The following KCNK1 variants were observed in gnomAD, a reference collection of about 807,000 sequenced individuals.
KCNK1 encodes the protein potassium channel subfamily K member 1.
In KCNK1, 10 loss-of-function variants were observed where a neutral mutation model predicts 22.2. The observed-to-expected ratio is 0.45, with a 90% CI of 0.28 to 0.76. The LOEUF is 0.76. Ranked by LOEUF, KCNK1 falls within the 30% of genes least tolerant of loss-of-function variation. The pLI, the probability that KCNK1 is intolerant of heterozygous loss-of-function variation, is 0.14. For missense variants in KCNK1, 378 were observed against 421.0 expected (o/e 0.90, Z 0.89); for synonymous variants, 200 against 186.4 (o/e 1.07, Z -0.60).
chr1:233,631,633 G>T, intron 1 of KCNK1: 1 of 250,494 alleles, frequency 4.0e-6, no homozygotes, highest in Non-Finnish European at 7.9e-6. Flanking sequence ...CGTGTGTCAG[G>T]GTACACAGTA....
chr1:233,632,702 C>T (rs1350375135), intron 1 of KCNK1, among the ~76,000 whole-genome samples: 2 of 152,174 alleles, frequency 1.3e-5, no homozygotes, highest in African/African-American at 4.8e-5. Context: ...CTGCTGTCCA[C>T]TCACTGGTCT....
At chr1:233,629,198 G>T (rs1212177315) in intron 1 of KCNK1, among the ~76,000 whole-genome samples, 1 of 152,194 alleles carries the variant, frequency 6.6e-6, no homozygotes, top group Non-Finnish European at 1.5e-5. Flanking sequence ...GCTGCATAGG[G>T]TGTAGAGACC....
At chr1:233,628,558 G>A (rs994915498) in intron 1 of KCNK1, among the ~76,000 whole-genome samples, 2 of 152,070 alleles carry the variant, frequency 1.3e-5, no homozygotes, top group Admixed American at 6.5e-5. Flanking sequence ...TCAGGAGTTC[G>A]AGACCAGTCT....
At chr1:233,658,578 G>T (rs757200138) in intron 1 of KCNK1, among the ~76,000 whole-genome samples, 22 of 152,160 alleles carry the variant, frequency 1.4e-4, no homozygotes, top group Admixed American at 1.4e-3. Flanking sequence ...ACAGTCAAGC[G>T]TCACCTAACG....
chr1:233,657,597 A>G (rs1048831005), intron 1 of KCNK1, among the ~76,000 whole-genome samples: 9 of 152,082 alleles, frequency 5.9e-5, no homozygotes, highest in African/African-American at 2.2e-4. Context: ...AGCCAAAGAA[A>G]TAAGAAAGAA....
chr1:233,622,039 T>C (rs1657597206), intron 1 of KCNK1, among the ~76,000 whole-genome samples: 1 of 152,232 alleles, frequency 6.6e-6, no homozygotes, highest in Non-Finnish European at 1.5e-5. Context: ...TTTTATGACA[T>C]AACTGTAAGT....
chr1:233,655,191 C>T (rs1013194379), intron 1 of KCNK1, among the ~76,000 whole-genome samples: 2 of 152,170 alleles, frequency 1.3e-5, no homozygotes, highest in Non-Finnish European at 2.9e-5. Context: ...TTGCTAGGGA[C>T]CTATCCTTTC....
Position 233,614,109 on chromosome 1 carries a change from A to G in KCNK1, c.-63A>G, listed in dbSNP as rs2795294. ...CGGGGGCGGGGGCGGCGGGGCCAGA[A>G]GAGGCGGCGGGCCGCGCTCCGGCCG... On this transcript the variant is annotated 5_prime_UTR_variant, in exon 1 of 3. Coordinates refer to ENST00000366621, the MANE Select transcript of KCNK1 (RefSeq NM_002245.4). The G allele has an allele frequency of 0.68, 826,033 of 1,216,736 alleles. 281,611 individuals carry two copies. The highest frequency in any genetic ancestry group is 0.75 in the East Asian group (22,976 of 30,492). The allele number at this position is 1,216,736 out of a possible 1,614,324, so 75.4% of individuals were successfully genotyped here.
intron 1 of KCNK1, among the ~76,000 whole-genome samples, chr1:233,618,635 C>T (rs896823140): frequency 1.3e-5 from 2 of 152,120 alleles, no homozygotes; most frequent in African/African-American, 4.8e-5. Flanking sequence ...CCTGTAATCC[C>T]AGCACTTTGG....
chr1:233,642,656 A>C (rs369396445), intron 1 of KCNK1, among the ~76,000 whole-genome samples: 3 of 152,326 alleles, frequency 2.0e-5, no homozygotes, highest in East Asian at 3.9e-4. Context: ...GGCCATGGGA[A>C]GTGATGCTGT....
rs756513897 is a variant in KCNK1, at chr1:233,614,417, G to A, written c.246G>A (p.Val82=). 1 of 1,612,748 alleles carries A rather than the reference G, an allele frequency of 6.2e-7. No individual in the cohort carries two copies. Among genetic ancestry groups the A allele is most frequent in the Non-Finnish European group, 8.5e-7 (1 of 1,179,544 alleles). ...AGCTGGAGCAGTTCCTGGGCCGGGT[G>A]CTGGAGGCCAGCAACTACGGCGTGT... ...EQQLEQFLGR[V]LEASNYGVSV... is the part of the protein sequence containing the mutation. Residue 82 remains valine, a synonymous_variant, in exon 1 of 3, where the codon GTG becomes GTA. Coordinates refer to ENST00000366621, the MANE Select transcript of KCNK1 (RefSeq NM_002245.4).
intron 1 of KCNK1, among the ~76,000 whole-genome samples, chr1:233,637,648 A>G (rs1205603108): frequency 6.6e-6 from 1 of 152,184 alleles, no homozygotes; most frequent in Non-Finnish European, 1.5e-5. Context: ...GGTGTCTTCC[A>G]ATGACGTGAC....
At chr1:233,617,903 C>G (rs1233403571) in intron 1 of KCNK1, among the ~76,000 whole-genome samples, 3 of 151,946 alleles carry the variant, frequency 2.0e-5, no homozygotes, top group African/African-American at 7.3e-5. Flanking sequence ...GTGTTCCAGC[C>G]TGGACAACAG....
chr1:233,626,668 A>G (rs534385252), intron 1 of KCNK1, among the ~76,000 whole-genome samples: 2 of 152,326 alleles, frequency 1.3e-5, no homozygotes, highest in Non-Finnish European at 2.9e-5. Flanking sequence ...CCCTGGGCTG[A>G]TCTGCCATTT....
At chr1:233,626,456 G>A (rs946230284) in intron 1 of KCNK1, among the ~76,000 whole-genome samples, 2 of 152,140 alleles carry the variant, frequency 1.3e-5, no homozygotes, top group South Asian at 4.1e-4. Flanking sequence ...CGTGATGAGG[G>A]CCACACTCGG....
intron 1 of KCNK1, among the ~76,000 whole-genome samples, chr1:233,624,963 G>A (rs1187078453): frequency 6.6e-6 from 1 of 152,142 alleles, no homozygotes; most frequent in Non-Finnish European, 1.5e-5. Flanking sequence ...AATTGTAGGG[G>A]CCAAGAGAAA....
chr1:233,649,389 C>T (rs964866529), intron 1 of KCNK1, among the ~76,000 whole-genome samples: 4 of 152,070 alleles, frequency 2.6e-5, no homozygotes, highest in African/African-American at 9.7e-5. Context: ...TGTAGATGGA[C>T]TGGAGATATT....
At chr1:233,627,255 T>G (rs943998554) in intron 1 of KCNK1, among the ~76,000 whole-genome samples, 1 of 152,214 alleles carries the variant, frequency 6.6e-6, no homozygotes, top group East Asian at 1.9e-4. Flanking sequence ...CCTCAAATAC[T>G]GTATTTTTTA....
intron 1 of KCNK1, among the ~76,000 whole-genome samples, chr1:233,621,599 G>A (rs1018956242): frequency 2.0e-5 from 3 of 152,150 alleles, no homozygotes; most frequent in African/African-American, 7.2e-5. Flanking sequence ...AGAAGGCAGG[G>A]AAGTGTATAA....
Sources: gnomAD v4.1 joint callset for allele counts (sites outside exome capture counted in the v4.1 genomes callset) on GRCh38, gnomAD v4.1.1 for gene constraint, MANE v1.5 for transcripts, NCBI Gene and HGNC (gene_info 2026-07-23, HGNC 2026-07-21) for gene names.